The following CACNA1A variants were observed in gnomAD, a reference collection of about 807,000 sequenced individuals.
CACNA1A encodes the protein voltage-dependent P/Q-type calcium channel subunit alpha-1A.
A neutral mutation model predicts 262.4 loss-of-function variants in CACNA1A; 57 were observed. The observed-to-expected ratio is 0.22, with a 90% confidence interval of 0.18 to 0.27. The LOEUF (loss-of-function observed/expected upper bound fraction) is 0.27, where lower values mean the gene tolerates loss of function less well. Among genes scored for constraint, CACNA1A ranks in the 10% least tolerant of loss-of-function variants. The pLI is 1.00. For synonymous variants in CACNA1A, 1,431 were observed against 1,419.3 expected, an observed-to-expected ratio of 1.01 and a Z score of -0.18; for missense variants, 2,526 against 3,562.8, an observed-to-expected ratio of 0.71 and a Z score of 7.41.
intron 3 of CACNA1A, among the ~76,000 whole-genome samples, chr19:13,413,093 GT>G (rs1568620411): frequency 1.4e-5 from 2 of 139,366 alleles, no homozygotes; most frequent in African/African-American, 5.0e-5. Context: ...TCTACAAAAA[GT>G]TTTTTGTTTT....
intron 3 of CACNA1A, among the ~76,000 whole-genome samples, chr19:13,413,569 C>CT (rs1414241829): frequency 4.3e-5 from 2 of 46,024 alleles, no homozygotes; most frequent in Non-Finnish European, 8.5e-5. Flanking sequence ...AAGGTCCTGT[C>CT]TTAAAAAAAA....
chr19:13,307,370 A>C (rs1035463590), intron 15 of CACNA1A: 1 of 159,824 alleles, frequency 6.3e-6, no homozygotes, highest in Non-Finnish European at 1.4e-5. Context: ...AGTAGCTGGG[A>C]TTACAGGCAT....
intron 3 of CACNA1A, among the ~76,000 whole-genome samples, chr19:13,429,670 C>T (rs972788446): frequency 1.3e-5 from 2 of 151,524 alleles, no homozygotes; most frequent in African/African-American, 4.9e-5. Flanking sequence ...TATTTGTACA[C>T]ACAGGTTTAC....
At chr19:13,216,647 T>TATC (rs2055020118) in intron 38 of CACNA1A, among the ~76,000 whole-genome samples, 2 of 149,234 alleles carry the variant, frequency 1.3e-5, no homozygotes, top group African/African-American at 5.0e-5. Context: ...TTTTAAAAAT[T>TATC]TATCTATCTA....
intron 1 of CACNA1A, among the ~76,000 whole-genome samples, chr19:13,502,504 T>C (rs1982509184): frequency 6.6e-6 from 1 of 152,154 alleles, no homozygotes; most frequent in South Asian, 2.1e-4. Flanking sequence ...ATGCTCCTTT[T>C]TGAGCTGACA....
Position 13,212,490 on chromosome 19 carries a change from G to C in CACNA1A, c.6083C>G (p.Pro2028Arg), listed in dbSNP as rs370345937. Residue 2028 changes from proline to arginine, a missense_variant, in exon 42 of 47, where the codon CCG becomes CGG. By Grantham distance (103) the Pro-to-Arg change is moderately radical. Coordinates refer to ENST00000360228, the MANE Select transcript of CACNA1A (RefSeq NM_001127222.2). This position sits in a 1 kb window ranked among gnomAD's most constrained non-coding sequence, Gnocchi z 5.6. ...CTGGGCACGCTGGGTCACCCAGGAC[G>C]GGCTCTCCTTGAGGCCGCTTTCGTG... The part of the protein sequence containing the change: ...MAHESGLKES[P>R]SWVTQRAQEM... 8 of 1,589,356 alleles carry C rather than the reference G, an allele frequency of 5.0e-6. No individual in the cohort carries two copies. The African/African-American group carries it at 1.1e-4, about 21-fold the overall frequency.
intron 24 of CACNA1A, chr19:13,271,392 TG>T (rs1238412216): frequency 6.6e-6 from 1 of 151,792 alleles, no homozygotes; most frequent in Non-Finnish European, 1.5e-5. Flanking sequence ...AGCTAGTTTT[TG>T]TATTTTTAGT....
intron 6 of CACNA1A, among the ~76,000 whole-genome samples, chr19:13,353,755 A>G (rs1170356283): frequency 1.3e-5 from 2 of 152,198 alleles, no homozygotes; most frequent in Admixed American, 6.5e-5. Context: ...CACATCCTGT[A>G]GGTGAGCTGC....
intron 6 of CACNA1A, among the ~76,000 whole-genome samples, chr19:13,343,991 G>A (rs1013546038): frequency 1.2e-4 from 19 of 152,080 alleles, no homozygotes; most frequent in Non-Finnish European, 1.8e-4. Flanking sequence ...CAGGAGGATC[G>A]CTTGAGCTAG....
At chr19:13,334,720 AT>A (rs1423994181) in intron 7 of CACNA1A, among the ~76,000 whole-genome samples, 1 of 151,906 alleles carries the variant, frequency 6.6e-6, no homozygotes. Flanking sequence ...AGCTTCACAC[AT>A]TTCCCGACAA....
chr19:13,321,190 C>A (rs532740335), intron 10 of CACNA1A, among the ~76,000 whole-genome samples: 1 of 152,056 alleles, frequency 6.6e-6, no homozygotes, highest in East Asian at 1.9e-4. Flanking sequence ...CCCACTACCA[C>A]GTCCGAATAA....
intron 46 of CACNA1A, among the ~76,000 whole-genome samples, 200 bp downstream of exon 46, chr19:13,208,555 AC>A (rs1181343529): frequency 6.7e-6 from 1 of 149,626 alleles, no homozygotes; most frequent in African/African-American, 2.5e-5. Context: ...GGCTGGGGGG[AC>A]AGCATAGGCA....
At chr19:13,474,101 A>G (rs1978307674) in intron 1 of CACNA1A, among the ~76,000 whole-genome samples, 1 of 152,180 alleles carries the variant, frequency 6.6e-6, no homozygotes, top group African/African-American at 2.4e-5. Context: ...TGCAAACTCT[A>G]TTGATTTAAT....
At chr19:13,394,166 T>C (rs2059769555) in intron 3 of CACNA1A, among the ~76,000 whole-genome samples, 1 of 152,140 alleles carries the variant, frequency 6.6e-6, no homozygotes, top group Non-Finnish European at 1.5e-5. Flanking sequence ...ACCCTACAAG[T>C]GTGGCGGTGG....
intron 9 of CACNA1A, among the ~76,000 whole-genome samples, chr19:13,331,002 C>A (rs1334705061): frequency 6.6e-6 from 1 of 152,124 alleles, no homozygotes; most frequent in Non-Finnish European, 1.5e-5. Context: ...CATATTCAAG[C>A]TATACACCCC....
intron 1 of CACNA1A, among the ~76,000 whole-genome samples, chr19:13,485,021 A>C (rs1979804591): frequency 6.6e-6 from 1 of 152,248 alleles, no homozygotes; most frequent in Non-Finnish European, 1.5e-5. Context: ...ACTGTAACTC[A>C]GTGCCTGGCA....
In CACNA1A at chr19:13,231,649, C is replaced by T. The variant is rs909140772; in HGVS notation, c.5400+61G>A. 3.9e-6 allele frequency: 6 copies of T among 1,531,318 alleles called. No homozygotes were observed. In the African/African-American group the frequency reaches 6.9e-5, roughly 18 times the overall value. The allele number at this position is 1,531,318 out of a possible 1,614,324, so 94.9% of individuals were successfully genotyped here. ...CAGCCACATTCCACAGAAACCCACT[C>T]CCCTGAAAGGAAGCCAGGCTTAGGG... is the stretch of plus-strand genomic sequence containing the variant. On this transcript the variant is annotated intron_variant, in intron 35 of 46. Coordinates refer to ENST00000360228, the MANE Select transcript of CACNA1A (RefSeq NM_001127222.2).
rs16051 is a variant in CACNA1A at position 13,208,879 on chromosome 19, A to G, written c.6657T>C (p.His2219=). ...QHHHHHHHHH[H]PPPPDKDRYA... is the part of the protein sequence containing the mutation. The stretch of plus-strand genomic sequence containing the variant: ...AGCGGTCCTTGTCGGGGGGCGGGGG[A>G]TGGTGGTGGTGGTGGTGGTGGTGGT... Residue 2219 remains histidine (H), a synonymous_variant, in exon 46 of 47, where the codon CAT becomes CAC. Coordinates refer to ENST00000360228, the MANE Select transcript of CACNA1A (RefSeq NM_001127222.2). 0.61 allele frequency: 892,603 copies of G among 1,452,354 alleles called. 247,868 individuals are homozygous for G. Among genetic ancestry groups the G allele is most frequent in the African/African-American group, 0.75 (53,476 of 71,008 alleles). The allele number at this position is 1,452,354 out of a possible 1,614,324, so 90.0% of individuals were successfully genotyped here.
At chr19:13,240,615 G>C (rs1175761505) in intron 31 of CACNA1A, among the ~76,000 whole-genome samples, 12 of 151,422 alleles carry the variant, frequency 7.9e-5, no homozygotes, top group South Asian at 4.2e-4. Flanking sequence ...CAGTGATTGT[G>C]TGTGTGCAGT....
Sources: allele counts gnomAD v4.1 joint callset (sites outside exome capture counted in the v4.1 genomes callset), GRCh38; gene constraint gnomAD v4.1.1; non-coding constraint Gnocchi (gnomAD v3.1); transcripts MANE v1.5; gene names NCBI Gene and HGNC (gene_info 2026-07-23, HGNC 2026-07-21).